CACNA1C: variants seen among roughly 807,000 people sequenced by gnomAD.
CACNA1C encodes voltage-dependent L-type calcium channel subunit alpha-1C.
In CACNA1C, 30 loss-of-function variants were observed where a neutral mutation model predicts 229.0. That is an observed-to-expected ratio of 0.13 (90% CI 0.10 to 0.18). The LOEUF is 0.18. Among genes scored for constraint, CACNA1C ranks in the 10% least tolerant of loss-of-function variants. The pLI is 1.00. For synonymous variants in CACNA1C, 1,114 were observed against 1,132.5 expected, an observed-to-expected ratio of 0.98 and a Z score of 0.33; for missense variants, 1,658 against 2,845.0, an observed-to-expected ratio of 0.58 and a Z score of 9.49.
At chr12:2,195,275 C>T (rs909440216) in intron 3 of CACNA1C, among the ~76,000 whole-genome samples, 1 of 152,154 alleles carries the variant, frequency 6.6e-6, no homozygotes, top group African/African-American at 2.4e-5. Context: ...AGGACCTCAC[C>T]ACGCCCCTCC....
At chr12:2,236,328 C>T (rs190903808) in intron 3 of CACNA1C, among the ~76,000 whole-genome samples, 1 of 152,322 alleles carries the variant, frequency 6.6e-6, no homozygotes, top group Admixed American at 6.5e-5. Context: ...CATTGAGCAG[C>T]AGTGCTGTAG....
At chr12:2,385,439 A>T (rs2098361105) in intron 3 of CACNA1C, among the ~76,000 whole-genome samples, 1 of 151,980 alleles carries the variant, frequency 6.6e-6, no homozygotes. Context: ...CCAGCAACTA[A>T]AATTGTTCCT....
chr12:2,195,896 C>T (rs2097386797), intron 3 of CACNA1C, among the ~76,000 whole-genome samples: 1 of 152,154 alleles, frequency 6.6e-6, no homozygotes, highest in Admixed American at 6.5e-5. Context: ...CCCTGGAGAT[C>T]CCAGCCTTTG....
At chr12:2,314,786 T>C (rs1248174248) in intron 3 of CACNA1C, among the ~76,000 whole-genome samples, 1 of 152,202 alleles carries the variant, frequency 6.6e-6, no homozygotes, top group East Asian at 1.9e-4. Context: ...ATTTTCTGTC[T>C]TTTTTTAATG....
At chr12:2,256,541 T>A (rs1320766151) in intron 3 of CACNA1C, among the ~76,000 whole-genome samples, 1 of 152,176 alleles carries the variant, frequency 6.6e-6, no homozygotes, top group Non-Finnish European at 1.5e-5. Context: ...TGGCCCCTGA[T>A]GAGCGTACAG....
At chr12:2,259,768 T>C (rs972490677) in intron 3 of CACNA1C, among the ~76,000 whole-genome samples, 1 of 152,202 alleles carries the variant, frequency 6.6e-6, no homozygotes, top group African/African-American at 2.4e-5. Context: ...ACCTGGTCTC[T>C]ACTAAAAAAG....
At chr12:2,208,881 A>T (rs1379837401) in intron 3 of CACNA1C, among the ~76,000 whole-genome samples, 1 of 152,192 alleles carries the variant, frequency 6.6e-6, no homozygotes, top group Non-Finnish European at 1.5e-5. Flanking sequence ...AGTACCCTAC[A>T]TTGAAATAAT....
intron 1 of CACNA1C, among the ~76,000 whole-genome samples, chr12:1,978,551 C>T (rs2154463204): frequency 6.6e-6 from 1 of 152,186 alleles, no homozygotes; most frequent in South Asian, 2.1e-4. Context: ...CATTTATGTA[C>T]AAGAAAATGC....
chr12:2,063,604 T>G (rs2058331339), intron 1 of CACNA1C, among the ~76,000 whole-genome samples: 1 of 152,248 alleles, frequency 6.6e-6, no homozygotes, highest in South Asian at 2.1e-4. Flanking sequence ...GGCTGTCATT[T>G]GGAGGTGGGA....
intron 29 of CACNA1C, among the ~76,000 whole-genome samples, chr12:2,615,747 T>C (rs2080168984): frequency 6.6e-6 from 1 of 152,166 alleles, no homozygotes; most frequent in Admixed American, 6.5e-5. Flanking sequence ...TGTCGGCTGC[T>C]GGTTTGGTAG....
chr12:2,690,975 G>A lies in CACNA1C; in HGVS notation c.6193G>A (p.Asp2065Asn), dbSNP rs1060503451. ...FIEVTTQELA[D>N]ACDMTIEEME... is the part of the protein sequence containing the mutation. The stretch of plus-strand genomic sequence containing the variant: ...CGAGGTCACCACCCAGGAGCTGGCC[G>A]ACGCCTGCGACATGACCATAGAGGA... Residue 2065 changes from aspartate to asparagine, a missense_variant, in exon 47 of 47, where the codon GAC (aspartate) becomes AAC (asparagine). By Grantham distance (23) the Asp-to-Asn change is conservative. Transcript: ENST00000399655. 1.9e-6 allele frequency: 3 copies of A among 1,598,766 alleles called. No individual in the cohort carries two copies. Among genetic ancestry groups the A allele is most frequent in the Admixed American group, 1.7e-5 (1 of 58,056 alleles).
chr12:2,194,626 C>T (rs2097348369), intron 3 of CACNA1C, among the ~76,000 whole-genome samples: 1 of 152,078 alleles, frequency 6.6e-6, no homozygotes, highest in Admixed American at 6.6e-5. Flanking sequence ...GTTTACATAC[C>T]CTCTCCACTG....
chr12:2,019,489 A>AAGGGAGGGAGGGAGGG (rs139670456), intron 1 of CACNA1C, among the ~76,000 whole-genome samples: 2 of 128,982 alleles, frequency 1.6e-5, no homozygotes, highest in African/African-American at 5.7e-5. Context: ...AAAGAAAAGA[A>AAGGGAGGGAGGGAGGG]AGGGAGGGAG....
chr12:2,592,848 T>C (rs1434836679), intron 18 of CACNA1C, among the ~76,000 whole-genome samples: 2 of 151,988 alleles, frequency 1.3e-5, no homozygotes, highest in Admixed American at 6.6e-5. Flanking sequence ...CCTAGATAGA[T>C]GAGTAACACC....
chr12:2,111,082 G>A (rs117765726), intron 1 of CACNA1C, among the ~76,000 whole-genome samples: 2,494 of 152,326 alleles, frequency 0.016, 29 homozygotes, highest in South Asian at 0.037. Context: ...GCAGCAATGC[G>A]CAGAGCTGCC....
In CACNA1C at chr12:2,240,144, A is replaced by G. The variant is rs375210493; in HGVS notation, c.477+119714A>G. Among the ~76,000 whole-genome samples, 8 of 152,220 alleles carry G rather than the reference A, an allele frequency of 5.3e-5. No homozygotes were observed. In the East Asian group the frequency reaches 1.5e-3, roughly 29 times the overall value. On this transcript the variant is annotated intron_variant, in intron 3 of 46. Coordinates refer to ENST00000399655, the MANE Select transcript of CACNA1C (RefSeq NM_000719.7). ...GATCATTAGGGCATTATTACATGAA[A>G]CACAAATAGCTCAGGATGGTCGCTC...
intron 3 of CACNA1C, among the ~76,000 whole-genome samples, chr12:2,402,575 A>G (rs916957931): frequency 6.6e-5 from 10 of 152,216 alleles, no homozygotes; most frequent in Admixed American, 3.9e-4. Flanking sequence ...CAGTAGTCCT[A>G]TCTGTGAAAT....
intron 3 of CACNA1C, among the ~76,000 whole-genome samples, chr12:2,434,757 A>C (rs1240865223): frequency 6.6e-6 from 1 of 152,146 alleles, no homozygotes; most frequent in African/African-American, 2.4e-5. Context: ...TCTGAAGGCC[A>C]CGTTTGATAG....
intron 3 of CACNA1C, among the ~76,000 whole-genome samples, chr12:2,383,929 T>G (rs1208607100): frequency 6.6e-6 from 1 of 152,242 alleles, no homozygotes; most frequent in African/African-American, 2.4e-5. Context: ...CATTTCATCC[T>G]GGCTTCCCTT....
Sources: gnomAD v4.1 joint callset for allele counts (sites outside exome capture counted in the v4.1 genomes callset) on GRCh38, gnomAD v4.1.1 for gene constraint, MANE v1.5 for transcripts, NCBI Gene and HGNC (gene_info 2026-07-23, HGNC 2026-07-21) for gene names.